The following OTOF variants were observed in gnomAD, a reference collection of about 807,000 sequenced individuals.
The protein encoded by OTOF is otoferlin.
Under a neutral mutation model 236.8 loss-of-function variants are expected in OTOF, and 218 were observed. The ratio of observed to expected loss-of-function variants is 0.92; its 90% CI spans 0.82 to 1.03. OTOF has a LOEUF of 1.03. Ranked by LOEUF, OTOF falls within the 50% of genes least tolerant of loss-of-function variation. The pLI, the probability that OTOF is intolerant of heterozygous loss-of-function variation, is 0.00. For missense variants in OTOF, 2,590 were observed against 2,694.4 expected (o/e 0.96, Z 0.86); for synonymous variants, 1,041 against 1,072.5 (o/e 0.97, Z 0.57).
At chr2:26,471,021 TG>T in intron 31 of OTOF, 99 bp downstream of exon 31, 4 of 1,455,698 alleles carry the variant, frequency 2.7e-6, no homozygotes, top group Non-Finnish European at 3.9e-6. Flanking sequence ...ATGCGGGGGC[TG>T]GGGCTGGCTC....
chr2:26,468,747 T>C (rs1664848856), intron 32 of OTOF, among the ~76,000 whole-genome samples: 1 of 152,168 alleles, frequency 6.6e-6, no homozygotes, highest in East Asian at 1.9e-4. Context: ...TTCATGTCCT[T>C]TGCAGGGACA....
At chr2:26,502,928 C>A (rs1471937010) in intron 6 of OTOF, among the ~76,000 whole-genome samples, 1 of 152,204 alleles carries the variant, frequency 6.6e-6, no homozygotes, top group African/African-American at 2.4e-5. Context: ...GAATTCAGAA[C>A]CTAATGCATT....
intron 4 of OTOF, 117 bp downstream of exon 4, chr2:26,518,893 G>A (rs987548711): frequency 3.9e-5 from 30 of 770,758 alleles, no homozygotes; most frequent in Middle Eastern, 2.2e-4. Context: ...CTCCTCCTGC[G>A]ACACCTCGCC....
At chr2:26,459,947 T>G in intron 46 of OTOF, 61 bp downstream of exon 46, 1 of 1,463,926 alleles carries the variant, frequency 6.8e-7, no homozygotes, top group Admixed American at 2.0e-5. Context: ...CGTGTATATG[T>G]GTGTGTGTGC....
chr2:26,506,906 G>A (rs1172066667), intron 5 of OTOF, among the ~76,000 whole-genome samples: 15 of 152,134 alleles, frequency 9.9e-5, no homozygotes, highest in Non-Finnish European at 1.5e-4. Context: ...CAGGAGAATC[G>A]CTTGAACTAG....
intron 11 of OTOF, among the ~76,000 whole-genome samples, chr2:26,485,492 C>T (rs1056735991): frequency 2.0e-5 from 3 of 152,306 alleles, no homozygotes; most frequent in Admixed American, 2.0e-4. Flanking sequence ...TGTCCCATGA[C>T]CTATGACTGT....
At chr2:26,494,906 A>G (rs1168305712) in intron 9 of OTOF, 36 bp downstream of exon 9, 5 of 1,613,614 alleles carry the variant, frequency 3.1e-6, no homozygotes, top group Non-Finnish European at 4.2e-6. Flanking sequence ...CTCCTGCCAT[A>G]TTTACAGAGG....
chr2:26,485,314 T>C (rs1411776514), intron 11 of OTOF, among the ~76,000 whole-genome samples: 4 of 152,242 alleles, frequency 2.6e-5, no homozygotes, highest in Non-Finnish European at 4.4e-5. Context: ...TCCTCCTCCA[T>C]GCAGCCCTCC....
intron 5 of OTOF, among the ~76,000 whole-genome samples, chr2:26,505,079 GGC>G (rs1666213623): frequency 6.6e-6 from 1 of 151,974 alleles, no homozygotes; most frequent in Admixed American, 6.6e-5. Context: ...AGGATTGTGG[GGC>G]CAATCTTATT....
At chr2:26,544,000 C>A (rs942413267) in intron 1 of OTOF, among the ~76,000 whole-genome samples, 1 of 152,352 alleles carries the variant, frequency 6.6e-6, no homozygotes, top group Non-Finnish European at 1.5e-5. Context: ...GGATTATAGG[C>A]GTGGGCCACT....
intron 5 of OTOF, among the ~76,000 whole-genome samples, chr2:26,507,035 T>G (rs1296579284): frequency 6.6e-6 from 1 of 152,194 alleles, no homozygotes; most frequent in Non-Finnish European, 1.5e-5. Flanking sequence ...CTATCTCTAC[T>G]ACACCTTGAA....
intron 1 of OTOF, among the ~76,000 whole-genome samples, chr2:26,545,335 C>A (rs1667305892): frequency 6.6e-6 from 1 of 152,118 alleles, no homozygotes; most frequent in African/African-American, 2.4e-5. Flanking sequence ...AGTCTTTTGC[C>A]TACATAAAAA....
intron 33 of OTOF, 55 bp from the exon 34 acceptor site, chr2:26,467,556 G>A (rs925944084): frequency 2.8e-5 from 45 of 1,583,462 alleles, no homozygotes; most frequent in Non-Finnish European, 3.8e-5. Flanking sequence ...AGGAAGGCCT[G>A]GATTCGAGAC....
chr2:26,469,232 A>G (rs1327285216), intron 32 of OTOF, among the ~76,000 whole-genome samples: 1 of 152,200 alleles, frequency 6.6e-6, no homozygotes, highest in Admixed American at 6.5e-5. Flanking sequence ...ACTGGAAACG[A>G]GAATAAATCT....
In OTOF at chr2:26,483,500, C is replaced by T. The variant is rs758451807; in HGVS notation, c.1354G>A (p.Val452Met). Residue 452 changes from valine to methionine, a missense_variant, in exon 13 of 47, where the codon GTG (valine) becomes ATG (methionine). Around this residue, in one of 2 missense-constraint regions of OTOF, gnomAD observed 1,379 missense variants for 1,341.6 expected, o/e 1.03. Coordinates refer to ENST00000272371, the MANE Select transcript of OTOF (RefSeq NM_194248.3). ...KAFIGENKDL[V>M]DPYVQVFFAG... ...AAGAAGACTTGCACGTAGGGGTCCA[C>T]GAGGTCCTTGTTTTCACCGATGAAA... 6.2e-6 allele frequency: 10 copies of T among 1,613,936 alleles called. No homozygotes were observed. Among genetic ancestry groups the T allele is most frequent in the African/African-American group, 1.3e-5 (1 of 75,052 alleles).
In OTOF at chr2:26,526,965, A is replaced by C. The variant is rs79624195; in HGVS notation, c.227+867T>G. On this transcript the variant is annotated intron_variant, in intron 3 of 46. Transcript: ENST00000272371. ...CTTATCTGCCCAAGGACCTAGGACT[A>C]CAGGTGTGTGCCACACCTGGCTGTG... Among the ~76,000 whole-genome samples, 496 of 152,328 alleles carry C rather than the reference A, an allele frequency of 3.3e-3. 4 individuals carry two copies. The highest frequency in any genetic ancestry group is 0.011 in the African/African-American group (464 of 41,572).
At chr2:26,503,648 G>T (rs1666175083) in intron 6 of OTOF, 124 bp downstream of exon 6, 2 of 834,406 alleles carry the variant, frequency 2.4e-6, no homozygotes, top group Admixed American at 1.8e-5. Flanking sequence ...GCATCACTGG[G>T]TGGGGCCTGG....
At chr2:26,467,031 G>C (rs1664759919) in intron 35 of OTOF, 68 bp downstream of exon 35, 1 of 1,588,212 alleles carries the variant, frequency 6.3e-7, no homozygotes. Flanking sequence ...TGGGAGGTGA[G>C]TGGGGGAACC....
intron 1 of OTOF, among the ~76,000 whole-genome samples, chr2:26,547,350 T>C (rs1017718747): frequency 1.3e-5 from 2 of 152,246 alleles, no homozygotes; most frequent in Admixed American, 1.3e-4. Flanking sequence ...TCTTTTCATA[T>C]ATTGCTATTC....
Sources: gnomAD v4.1 joint callset for allele counts (sites outside exome capture counted in the v4.1 genomes callset) on GRCh38, gnomAD v4.1.1 for gene constraint, gnomAD v4.1.1 regional missense constraint, MANE v1.5 for transcripts, NCBI Gene and HGNC (gene_info 2026-07-23, HGNC 2026-07-21) for gene names.